The following CAMK2D variants were observed in gnomAD, a reference collection of about 807,000 sequenced individuals.
CAMK2D encodes calcium/calmodulin-dependent protein kinase type II subunit delta.
In CAMK2D, 37 loss-of-function variants were observed where a neutral mutation model predicts 84.0. The observed-to-expected ratio is 0.44, with a 90% CI of 0.34 to 0.58. The LOEUF (loss-of-function observed/expected upper bound fraction) is 0.58. Ranked by LOEUF, CAMK2D falls within the 20% of genes least tolerant of loss-of-function variation. CAMK2D has a pLI of 0.02. For synonymous variants in CAMK2D, 202 were observed against 212.5 expected, an observed-to-expected ratio of 0.95 and a Z score of 0.43; for missense variants, 448 against 652.5, an observed-to-expected ratio of 0.69 and a Z score of 3.41.
At chr4:113,676,367 C>G (rs1022873423) in intron 2 of CAMK2D, among the ~76,000 whole-genome samples, 1 of 152,162 alleles carries the variant, frequency 6.6e-6, no homozygotes, top group Non-Finnish European at 1.5e-5. Context: ...CAGTTGCTGG[C>G]CATAAACTGC....
At chr4:113,559,586 A>G (rs76372968) in intron 4 of CAMK2D, among the ~76,000 whole-genome samples, 2,115 of 152,376 alleles carry the variant, frequency 0.014, 50 homozygotes, top group East Asian at 0.11. Context: ...TAGGAATCCT[A>G]CCAGGGTTAG....
At chr4:113,570,654 T>C (rs1314304522) in intron 4 of CAMK2D, among the ~76,000 whole-genome samples, 1 of 152,150 alleles carries the variant, frequency 6.6e-6, no homozygotes, top group Admixed American at 6.5e-5. Flanking sequence ...CAACTCAAAA[T>C]AGATTAAAGA....
At chr4:113,663,173 T>C (rs1210939892) in intron 2 of CAMK2D, among the ~76,000 whole-genome samples, 2 of 152,172 alleles carry the variant, frequency 1.3e-5, no homozygotes, top group Non-Finnish European at 2.9e-5. Context: ...GTACTTATTC[T>C]TAAGACAAGC....
At chr4:113,495,146 T>C (rs4834346) in intron 16 of CAMK2D, among the ~76,000 whole-genome samples, 96,817 of 152,096 alleles carry the variant, frequency 0.64, 32,529 homozygotes, top group African/African-American at 0.85. Flanking sequence ...TGTTCCTATT[T>C]GGCCATCTTG....
At chr4:113,492,056 C>T (rs879949927) in intron 16 of CAMK2D, among the ~76,000 whole-genome samples, 36 of 152,088 alleles carry the variant, frequency 2.4e-4, no homozygotes, top group East Asian at 7.7e-4. Context: ...GTCTTCCTAG[C>T]GGTCTATCAA....
intron 2 of CAMK2D, among the ~76,000 whole-genome samples, chr4:113,721,916 C>A (rs2099531708): frequency 1.3e-5 from 2 of 152,052 alleles, no homozygotes; most frequent in African/African-American, 2.4e-5. Context: ...CTTAAAGAAA[C>A]CTATTTGTTC....
chr4:113,672,311 C>CA (rs1478966933), intron 2 of CAMK2D, among the ~76,000 whole-genome samples: 2 of 151,908 alleles, frequency 1.3e-5, no homozygotes, highest in African/African-American at 4.8e-5. Context: ...CCAAGAATGA[C>CA]AAAAAAGCAA....
In CAMK2D at chr4:113,727,977, C is replaced by T. The variant is rs141522244; in HGVS notation, c.160+31343G>A. On this transcript the variant is annotated intron_variant, in intron 2 of 20. Transcript: ENST00000511664. ...ACCACACTGAGATACCAGTTCACAC[C>T]CACTAGAACGGCTAAAACAAAGACT... 3.2e-3 allele frequency among the ~76,000 whole-genome samples: 490 copies of T among 152,134 alleles called. 1 individual carries two copies. Among genetic ancestry groups the T allele is most frequent in the African/African-American group, 0.011 (457 of 41,498 alleles).
At chr4:113,560,128 G>A (rs2098691185) in intron 4 of CAMK2D, among the ~76,000 whole-genome samples, 1 of 151,592 alleles carries the variant, frequency 6.6e-6, no homozygotes, top group African/African-American at 2.4e-5. Context: ...AAGGGCTCAG[G>A]CTACAGTCGG....
At chr4:113,741,328 G>T (rs2099592367) in intron 2 of CAMK2D, among the ~76,000 whole-genome samples, 1 of 152,170 alleles carries the variant, frequency 6.6e-6, no homozygotes, top group Non-Finnish European at 1.5e-5. Context: ...GAAGGAGAAA[G>T]AAATTCATGC....
At position 113,535,757 on chromosome 4, in the gene CAMK2D, A is replaced by G. The variant is rs75583903; in HGVS notation, c.517+1584T>C. Among the ~76,000 whole-genome samples the G allele has an allele frequency of 6.8e-3, 1,030 of 152,314 alleles. 11 individuals carry two copies. The highest frequency in any genetic ancestry group is 0.024 in the African/African-American group (986 of 41,574). ...AGTCCCATTCATCCTTTAGGCAACCATAAGTGTTAAGGCAATTATTGAACC... is the reference window on the plus strand; with the variant it reads ...AGTCCCATTCATCCTTTAGGCAACCGTAAGTGTTAAGGCAATTATTGAACC... On this transcript the variant is annotated intron_variant, in intron 7 of 20. Coordinates refer to ENST00000511664, the MANE Select transcript of CAMK2D (RefSeq NM_001321571.2).
intron 4 of CAMK2D, among the ~76,000 whole-genome samples, chr4:113,606,105 CT>C (rs2098975777): frequency 6.6e-6 from 1 of 151,998 alleles, no homozygotes; most frequent in Admixed American, 6.6e-5. Context: ...AAAAGGGAAT[CT>C]TGGCAAAGAA....
In CAMK2D at chr4:113,726,550, TTTTGTTTG is replaced by T. The variant is rs543292271; in HGVS notation, c.160+32762_160+32769del. Among the ~76,000 whole-genome samples, 608 of 150,922 alleles carry T rather than the reference TTTTGTTTG, an allele frequency of 4.0e-3. 3 individuals carry two copies. The highest frequency in any genetic ancestry group is 0.012 in the African/African-American group (487 of 40,846). ...GCACACATTACCATGCCTGGCTAAT[TTTTGTTTG>T]TTTGTTTGTTTGTTTGTTTGTTTTT... On this transcript the variant is annotated intron_variant, in intron 2 of 20. Coordinates refer to ENST00000511664, the MANE Select transcript of CAMK2D (RefSeq NM_001321571.2).
At chr4:113,513,711 A>G (rs1332812566) in intron 11 of CAMK2D, 119 bp downstream of exon 11, 1 of 617,030 alleles carries the variant, frequency 1.6e-6, no homozygotes, top group Non-Finnish European at 2.9e-6. Flanking sequence ...CAAAAAGAAT[A>G]ATGAGAGTAT....
intron 11 of CAMK2D, 125 bp from the exon 12 acceptor site, chr4:113,513,495 T>C (rs933740293): frequency 2.0e-5 from 15 of 737,496 alleles, no homozygotes; most frequent in Non-Finnish European, 3.3e-5. Context: ...TTTTTATTGT[T>C]TGTTTTTGTT....
rs572379057 is a variant in CAMK2D at position 113,646,296 on chromosome 4, G to A, written c.220+15417C>T. ...CTCCTATAGCATGTATTTATTGAGC[G>A]CAGACTCTACGGCAGGTGCTTTTTT... On this transcript the variant is annotated intron_variant, in intron 3 of 20. Coordinates refer to ENST00000511664, the MANE Select transcript of CAMK2D (RefSeq NM_001321571.2). Among the ~76,000 whole-genome samples the A allele has an allele frequency of 5.9e-5, 9 of 152,276 alleles. No homozygotes were observed. The East Asian group carries it at 1.3e-3, about 23-fold the overall frequency.
intron 2 of CAMK2D, among the ~76,000 whole-genome samples, chr4:113,709,255 T>G (rs964989617): frequency 6.6e-6 from 1 of 152,190 alleles, no homozygotes; most frequent in African/African-American, 2.4e-5. Flanking sequence ...GAAATTTTAC[T>G]TGTAATCCAA....
At chr4:113,760,905 A>C (rs1163392933) in intron 1 of CAMK2D, 99 bp downstream of exon 1, 92 of 1,505,552 alleles carry the variant, frequency 6.1e-5, no homozygotes, top group Non-Finnish European at 8.4e-5. Flanking sequence ...TTCCTCTCCC[A>C]AACTCCCTCG....
At chr4:113,630,237 T>C (rs891807215) in intron 3 of CAMK2D, among the ~76,000 whole-genome samples, 1 of 152,204 alleles carries the variant, frequency 6.6e-6, no homozygotes, top group Non-Finnish European at 1.5e-5. Context: ...TTGAGAAACA[T>C]TATCAATGAA....
Sources: allele counts gnomAD v4.1 joint callset (sites outside exome capture counted in the v4.1 genomes callset), GRCh38; gene constraint gnomAD v4.1.1; transcripts MANE v1.5; gene names NCBI Gene and HGNC (gene_info 2026-07-23, HGNC 2026-07-21).